PCCA: variants seen among roughly 807,000 people sequenced by gnomAD.
PCCA encodes the protein propionyl-CoA carboxylase alpha chain, mitochondrial.
PCCA carries 74 observed loss-of-function variants against 101.3 expected under a neutral mutation model. The observed-to-expected ratio is 0.73, with a 90% CI of 0.61 to 0.89. The LOEUF is 0.89. PCCA is among the 40% of genes least tolerant of loss of function. PCCA has a pLI of 0.00. For missense variants in PCCA, 891 were observed against 907.0 expected, an observed-to-expected ratio of 0.98 and a Z score of 0.23; for synonymous variants, 294 against 313.6, an observed-to-expected ratio of 0.94 and a Z score of 0.66.
chr13:100,278,938 T>A (rs1445337774), intron 12 of PCCA, among the ~76,000 whole-genome samples: 2 of 152,200 alleles, frequency 1.3e-5, no homozygotes, highest in Non-Finnish European at 2.9e-5. Flanking sequence ...AAAGATTTTG[T>A]CATATTACCA....
intron 21 of PCCA, among the ~76,000 whole-genome samples, chr13:100,471,795 G>A (rs180787303): frequency 6.6e-4 from 100 of 152,320 alleles, no homozygotes; most frequent in African/African-American, 2.2e-3. Context: ...TGAGCTTTCC[G>A]TAAGCCTGGA....
intron 11 of PCCA, among the ~76,000 whole-genome samples, chr13:100,272,620 A>G (rs1358581678): frequency 6.6e-6 from 1 of 152,176 alleles, no homozygotes; most frequent in Admixed American, 6.5e-5. Flanking sequence ...CTTGAAAAGG[A>G]TGCTTGTTAT....
At chr13:100,181,467 G>C (rs1263273571) in intron 6 of PCCA, among the ~76,000 whole-genome samples, 1 of 152,170 alleles carries the variant, frequency 6.6e-6, no homozygotes, top group Non-Finnish European at 1.5e-5. Flanking sequence ...TAGCCGGCCA[G>C]GCTAGAGTGT....
rs559657260 is a variant in PCCA at position 100,498,431 on chromosome 13, G to A, written c.1900-16996G>A. On this transcript the variant is annotated intron_variant, in intron 21 of 23. Transcript: ENST00000376285. ...TGGAAACACGCCCGTATTAGTGACT[G>A]AAGAGCCTGCAAATGAAAGCTTTAC... Among the ~76,000 whole-genome samples the A allele has an allele frequency of 3.3e-5, 5 of 152,214 alleles. No homozygotes were observed. The East Asian group carries it at 9.6e-4, about 29-fold the overall frequency.
chr13:100,315,028 A>G (rs1253586059), intron 16 of PCCA, among the ~76,000 whole-genome samples: 1 of 152,184 alleles, frequency 6.6e-6, no homozygotes, highest in Non-Finnish European at 1.5e-5. Flanking sequence ...GTACACTGAC[A>G]TATTTAGAAG....
chr13:100,117,963 A>G (rs922496683), intron 4 of PCCA, among the ~76,000 whole-genome samples: 1 of 151,858 alleles, frequency 6.6e-6, no homozygotes, highest in Non-Finnish European at 1.5e-5. Flanking sequence ...AAAAATACAA[A>G]AAATTAGCCA....
chr13:100,458,915 C>T (rs1427894096), intron 21 of PCCA, among the ~76,000 whole-genome samples: 2 of 152,182 alleles, frequency 1.3e-5, no homozygotes, highest in African/African-American at 4.8e-5. Context: ...TAGCACAAAC[C>T]GGGTGGCTTA....
intron 19 of PCCA, among the ~76,000 whole-genome samples, chr13:100,397,046 G>C (rs1379894992): frequency 6.6e-6 from 1 of 152,078 alleles, no homozygotes; most frequent in Non-Finnish European, 1.5e-5. Context: ...CCATTTAGAG[G>C]CCCTTCCTTA....
At chr13:100,222,721 C>T (rs1021969899) in intron 7 of PCCA, among the ~76,000 whole-genome samples, 3 of 152,140 alleles carry the variant, frequency 2.0e-5, no homozygotes, top group Admixed American at 2.0e-4. Flanking sequence ...TAAAATTAGT[C>T]TACAGTGTTT....
intron 10 of PCCA, 68 bp from the exon 11 acceptor site, chr13:100,268,621 A>C: frequency 8.9e-7 from 1 of 1,120,106 alleles, no homozygotes; most frequent in South Asian, 1.2e-5. Flanking sequence ...TTGCATGCGG[A>C]AAATATTAAC....
intron 7 of PCCA, among the ~76,000 whole-genome samples, chr13:100,224,244 G>T (rs901138895): frequency 6.6e-6 from 1 of 152,252 alleles, no homozygotes; most frequent in African/African-American, 2.4e-5. Flanking sequence ...GTGCTGGTGG[G>T]CTGGCACTGC....
intron 4 of PCCA, among the ~76,000 whole-genome samples, chr13:100,149,900 A>G (rs931395793): frequency 2.0e-5 from 3 of 152,182 alleles, no homozygotes; most frequent in East Asian, 1.9e-4. Context: ...AGCACTTTTT[A>G]TCACTCATAT....
chr13:100,490,180 C>G lies in PCCA; in HGVS notation c.1900-25247C>G, dbSNP rs999524339. ...ATAGAGACGGCAATAATGAAGCCAG[C>G]TATTATAAATTAGAGCAAATATACA... On this transcript the variant is annotated intron_variant, in intron 21 of 23. Transcript: ENST00000376285. The G allele has an allele frequency of 4.6e-5, 7 of 152,256 alleles. 1 individual carries two copies. The highest frequency in any genetic ancestry group is 3.4e-3 in the Middle Eastern group (1 of 294). The allele number at this position is 152,256 out of a possible 1,614,324, so 9.4% of individuals were successfully genotyped here. A position where few individuals can be genotyped will look rare whatever the true frequency, so the allele number is the denominator to read the frequency against.
At chr13:100,424,204 G>C (rs1363932712) in intron 19 of PCCA, among the ~76,000 whole-genome samples, 1 of 152,112 alleles carries the variant, frequency 6.6e-6, no homozygotes, top group African/African-American at 2.4e-5. Flanking sequence ...GTAATCTAGA[G>C]ATGATTCAAT....
intron 10 of PCCA, 137 bp downstream of exon 10, chr13:100,262,968 A>G: frequency 3.4e-6 from 2 of 585,852 alleles, no homozygotes; most frequent in East Asian, 3.0e-5. Flanking sequence ...TTAAAGTGCT[A>G]GGATGTTGGT....
intron 21 of PCCA, among the ~76,000 whole-genome samples, chr13:100,494,084 G>T (rs2152983640): frequency 6.6e-6 from 1 of 152,208 alleles, no homozygotes; most frequent in South Asian, 2.1e-4. Flanking sequence ...AGCTACTCAG[G>T]AGGCTGAGGC....
intron 20 of PCCA, among the ~76,000 whole-genome samples, chr13:100,444,683 C>G (rs879638176): frequency 6.6e-6 from 1 of 151,952 alleles, no homozygotes; most frequent in African/African-American, 2.4e-5. Context: ...CCTGGTGATC[C>G]GCCCACCTTG....
chr13:100,469,793 C>T (rs2082853442), intron 21 of PCCA, among the ~76,000 whole-genome samples: 1 of 151,744 alleles, frequency 6.6e-6, no homozygotes, highest in Admixed American at 6.6e-5. Flanking sequence ...AAAAAACAAA[C>T]AAAACAAAAC....
intron 22 of PCCA, among the ~76,000 whole-genome samples, chr13:100,518,881 TTA>T (rs1158308407): frequency 2.6e-5 from 4 of 152,232 alleles, no homozygotes; most frequent in African/African-American, 9.7e-5. Flanking sequence ...ACTTCTACCT[TTA>T]TGATACTCTT....
Sources: gnomAD v4.1 joint callset for allele counts (sites outside exome capture counted in the v4.1 genomes callset) on GRCh38, gnomAD v4.1.1 for gene constraint, MANE v1.5 for transcripts, NCBI Gene and HGNC (gene_info 2026-07-23, HGNC 2026-07-21) for gene names.